The following N4BP2 variants were observed in gnomAD, a reference collection of about 807,000 sequenced individuals.
N4BP2 encodes the protein NEDD4-binding protein 2.
In N4BP2, 91 loss-of-function variants were observed where a neutral mutation model predicts 152.8. The ratio of observed to expected loss-of-function variants is 0.60; its 90% CI spans 0.50 to 0.71. The LOEUF is 0.71. N4BP2 is among the 30% of genes least tolerant of loss of function. The pLI is 0.00. For synonymous variants in N4BP2, 646 were observed against 705.3 expected (o/e 0.92, Z 1.33); for missense variants, 1,923 against 2,059.1 (o/e 0.93, Z 1.28).
chr4:40,127,927 C>T (rs912320258), intron 12 of N4BP2, among the ~76,000 whole-genome samples: 13 of 152,158 alleles, frequency 8.5e-5, no homozygotes, highest in Admixed American at 5.2e-4. Flanking sequence ...TCCCAGAGTG[C>T]TGGGATTACA....
At chr4:40,150,008 A>G (rs994272368) in intron 16 of N4BP2, among the ~76,000 whole-genome samples, 3 of 152,140 alleles carry the variant, frequency 2.0e-5, no homozygotes, top group Non-Finnish European at 2.9e-5. Context: ...GCCAAGGCCC[A>G]TCTCTAGTGC....
In N4BP2 at chr4:40,120,817, G is replaced by T. The variant is rs933542680; in HGVS notation, c.2706G>T (p.Lys902Asn). Residue 902 changes from lysine to asparagine, a missense_variant, in exon 9 of 18, where the codon AAG becomes AAT. Transcript: ENST00000261435. ...AQREHRSRMP[K>N]TGLSEPNLEI... is the part of the protein sequence containing the mutation. ...GGGAACACAGATCAAGAATGCCAAA[G>T]ACTGGTTTAAGTGAGCCCAACCTAG... is the stretch of plus-strand genomic sequence containing the variant. 14 of 1,614,154 alleles carry T rather than the reference G, an allele frequency of 8.7e-6. No homozygotes were observed. The highest frequency in any genetic ancestry group is 3.3e-4 in the Middle Eastern group (2 of 6,062).
At chr4:40,162,275 G>A (rs756723738), downstream of N4BP2, among the ~76,000 whole-genome samples, 3 of 152,140 alleles carry the variant, frequency 2.0e-5, no homozygotes, top group Non-Finnish European at 4.4e-5. Flanking sequence ...GCGAAGGCAG[G>A]CAGATCACTT....
the N4BP2 span, among the ~76,000 whole-genome samples, chr4:40,186,113 T>C: frequency 6.6e-6 from 1 of 152,192 alleles, no homozygotes; most frequent in Non-Finnish European, 1.5e-5. Context: ...TTAAGAGGTT[T>C]GATGCAAAAG....
intron 15 of N4BP2, among the ~76,000 whole-genome samples, chr4:40,143,198 T>A (rs952513492): frequency 1.3e-5 from 2 of 152,232 alleles, no homozygotes; most frequent in African/African-American, 4.8e-5. Flanking sequence ...TTCTGTCATG[T>A]TTGAATTTTT....
chr4:40,143,552 C>T (rs1720244651), intron 15 of N4BP2, among the ~76,000 whole-genome samples: 1 of 152,152 alleles, frequency 6.6e-6, no homozygotes, highest in Non-Finnish European at 1.5e-5. Flanking sequence ...CCTCCCATCT[C>T]AGCCTCCCAA....
At chr4:40,079,540 A>G (rs1487972551) in intron 2 of N4BP2, among the ~76,000 whole-genome samples, 4 of 151,640 alleles carry the variant, frequency 2.6e-5, no homozygotes, top group African/African-American at 2.4e-5. Flanking sequence ...CCATAACACT[A>G]TTAGAGATCA....
At chr4:40,162,299 C>T (rs1204668145), downstream of N4BP2, among the ~76,000 whole-genome samples, 1 of 152,036 alleles carries the variant, frequency 6.6e-6, no homozygotes, top group Non-Finnish European at 1.5e-5. Context: ...GTCAGGAGTT[C>T]AAAACCAGCC....
the N4BP2 span, among the ~76,000 whole-genome samples, chr4:40,173,700 C>CAA: frequency 6.6e-6 from 1 of 152,188 alleles, no homozygotes; most frequent in Non-Finnish European, 1.5e-5. Context: ...CAGTTAGTCA[C>CAA]AGTCAAAGTC....
intron 2 of N4BP2, among the ~76,000 whole-genome samples, chr4:40,095,588 T>A (rs1407619339): frequency 6.6e-6 from 1 of 152,174 alleles, no homozygotes; most frequent in African/African-American, 2.4e-5. Context: ...TGGAGAGAGC[T>A]ATGATACAAA....
the N4BP2 span, among the ~76,000 whole-genome samples, chr4:40,176,934 C>T: frequency 1.3e-5 from 2 of 152,208 alleles, no homozygotes; most frequent in African/African-American, 4.8e-5. Flanking sequence ...CGCTTTTTTC[C>T]CTTTTCACCC....
chr4:40,094,511 T>C lies in N4BP2; in HGVS notation c.-114-2716T>C, dbSNP rs1714924864. On this transcript the variant is annotated intron_variant, in intron 2 of 17. Coordinates refer to ENST00000261435, the MANE Select transcript of N4BP2 (RefSeq NM_018177.6). ...TAGCTTCACTTATTTTGTAGCTCTT[T>C]TTAGTGCATATACATTTAGGGTTGC... Among the ~76,000 whole-genome samples the C allele has an allele frequency of 2.0e-5, 3 of 152,294 alleles. No homozygotes were observed. The South Asian group carries it at 6.2e-4, about 32-fold the overall frequency.
chr4:40,116,828 A>G (rs2109988400), intron 7 of N4BP2, among the ~76,000 whole-genome samples: 1 of 152,230 alleles, frequency 6.6e-6, no homozygotes, highest in East Asian at 1.9e-4. Context: ...CTTGTAAGAT[A>G]CTTTTGCTGG....
chr4:40,138,144 A>G (rs776223451), intron 14 of N4BP2, among the ~76,000 whole-genome samples: 3 of 152,100 alleles, frequency 2.0e-5, no homozygotes, highest in Non-Finnish European at 4.4e-5. Context: ...TAATACAGAA[A>G]TGGTGTCTTA....
At chr4:40,147,056 C>T (rs1579144533) in intron 16 of N4BP2, among the ~76,000 whole-genome samples, 3 of 149,752 alleles carry the variant, frequency 2.0e-5, no homozygotes, top group South Asian at 2.2e-4. Context: ...GAGGACCCTG[C>T]GGCCTTCCGC....
chr4:40,097,330 T>C lies in N4BP2; in HGVS notation c.-11T>C, dbSNP rs1168332559. On this transcript the variant is annotated 5_prime_UTR_variant, in exon 3 of 18. Transcript: ENST00000261435. ...TAAGAAAAGGGAAACATTTTAGTTT[T>C]GGAAGTCAGAATGCCAAGGAGAAGG... 2 of 1,607,954 alleles carry C rather than the reference T, an allele frequency of 1.2e-6. No homozygotes were observed. Among genetic ancestry groups the C allele is most frequent in the African/African-American group, 2.7e-5 (2 of 74,786 alleles).
Position 40,137,030 on chromosome 4 carries a change from A to G in N4BP2, c.4733A>G (p.His1578Arg), listed in dbSNP as rs770869481. 1.9e-6 allele frequency: 3 copies of G among 1,613,842 alleles called. No homozygotes were observed. In the East Asian group the frequency reaches 6.7e-5, roughly 36 times the overall value. Residue 1578 changes from histidine to arginine, a missense_variant, in exon 14 of 18, where the codon CAC becomes CGC. His to Arg is a conservative substitution (Grantham distance 29, BLOSUM62 0). Coordinates refer to ENST00000261435, the MANE Select transcript of N4BP2 (RefSeq NM_018177.6). Reference sequence around the variant, plus strand: ...ACAGTTGTAGCCCAAGAGTTTGTTCACCAAAATGAGAATGTCACATCTCAT... The same window carrying G: ...ACAGTTGTAGCCCAAGAGTTTGTTCGCCAAAATGAGAATGTCACATCTCAT... Reference protein sequence around the residue: ...VKTVVAQEFVHQNENVTSHTG... With the variant: ...VKTVVAQEFVRQNENVTSHTG...
Position 40,112,132 on chromosome 4 carries a change from C to T in N4BP2, c.1547C>T (p.Thr516Ile). The part of the protein sequence containing the change: ...KKISPIIIDN[T>I]NLQAWEMKPY... Reference sequence around the variant, plus strand: ...ATATCTCCTATAATTATAGATAATACAAACCTACAGGCATGGGAAATGAAA... The same window carrying T: ...ATATCTCCTATAATTATAGATAATATAAACCTACAGGCATGGGAAATGAAA... Residue 516 changes from threonine to isoleucine, a missense_variant, in exon 6 of 18, where the codon ACA (threonine) becomes ATA (isoleucine). Transcript: ENST00000261435. The T allele has an allele frequency of 6.3e-7, 1 of 1,579,000 alleles. No individual in the cohort carries two copies. Among genetic ancestry groups the T allele is most frequent in the African/African-American group, 1.4e-5 (1 of 73,504 alleles).
intron 12 of N4BP2, 80 bp downstream of exon 12, chr4:40,126,410 T>C (rs1718414579): frequency 1.5e-6 from 1 of 663,300 alleles, no homozygotes; most frequent in Non-Finnish European, 2.4e-6. Context: ...TTTTTCAAAG[T>C]ATTTTCTAGT....
Sources: gnomAD v4.1 joint callset for allele counts (sites outside exome capture counted in the v4.1 genomes callset) on GRCh38, gnomAD v4.1.1 for gene constraint, MANE v1.5 for transcripts, NCBI Gene and HGNC (gene_info 2026-07-23, HGNC 2026-07-21) for gene names.